The following PATJ variants were observed in gnomAD, a reference collection of about 807,000 sequenced individuals.
PATJ encodes PATJ crumbs cell polarity complex component, also known as inaD-like protein.
A neutral mutation model predicts 224.9 loss-of-function variants in PATJ; 190 were observed. The observed-to-expected ratio is 0.84, with a 90% CI of 0.75 to 0.95. PATJ has a LOEUF of 0.95. Among genes scored for constraint, PATJ ranks in the 40% least tolerant of loss-of-function variants. The pLI, the probability that PATJ is intolerant of heterozygous loss-of-function variation, is 0.00. For missense variants in PATJ, 2,121 were observed against 2,270.3 expected (o/e 0.93, Z 1.34); for synonymous variants, 769 against 820.3 (o/e 0.94, Z 1.07).
intron 7 of PATJ, among the ~76,000 whole-genome samples, chr1:61,783,225 G>A (rs1311838566): frequency 1.3e-5 from 2 of 152,266 alleles, no homozygotes; most frequent in Non-Finnish European, 2.9e-5. Flanking sequence ...GGGAATTTGA[G>A]TAGGATAGGA....
intron 15 of PATJ, among the ~76,000 whole-genome samples, chr1:61,824,821 T>C (rs1335412031): frequency 6.6e-6 from 1 of 152,162 alleles, no homozygotes; most frequent in African/African-American, 2.4e-5. Context: ...TGGATCACAG[T>C]ATAGAAAGTA....
rs139415691 is a variant in PATJ at position 61,985,575 on chromosome 1, G to A, written c.3671-4593G>A. 5.4e-3 allele frequency among the ~76,000 whole-genome samples: 825 copies of A among 152,008 alleles called. 9 individuals are homozygous for A. The highest frequency in any genetic ancestry group is 0.019 in the African/African-American group (788 of 41,364). On this transcript the variant is annotated intron_variant, in intron 27 of 43. Coordinates refer to ENST00000642238, the MANE Select transcript of PATJ (RefSeq NM_001350145.3). ...TTTCTCAAACAGAAACTACAGAAAGGGTTTTGATTCTACACTTGACTAGCA... is the reference window on the plus strand; with the variant it reads ...TTTCTCAAACAGAAACTACAGAAAGAGTTTTGATTCTACACTTGACTAGCA...
chr1:62,145,041 C>G (rs1017823447), intron 41 of PATJ, among the ~76,000 whole-genome samples: 1 of 151,992 alleles, frequency 6.6e-6, no homozygotes, highest in African/African-American at 2.4e-5. Flanking sequence ...TCTTGAACTC[C>G]TGAGCTCAAG....
intron 31 of PATJ, among the ~76,000 whole-genome samples, chr1:62,074,907 T>C (rs1375706416): frequency 6.6e-6 from 1 of 152,162 alleles, no homozygotes; most frequent in East Asian, 1.9e-4. Context: ...GAGGTTGCAG[T>C]GAGCTGAGAT....
At chr1:61,809,787 T>C (rs1187525960) in intron 14 of PATJ, among the ~76,000 whole-genome samples, 1 of 152,168 alleles carries the variant, frequency 6.6e-6, no homozygotes, top group Non-Finnish European at 1.5e-5. Context: ...GTAATCAATA[T>C]TTATCTTCCA....
intron 9 of PATJ, among the ~76,000 whole-genome samples, chr1:61,792,175 A>G (rs1172396926): frequency 6.6e-6 from 1 of 152,212 alleles, no homozygotes; most frequent in Non-Finnish European, 1.5e-5. Flanking sequence ...AAGGATTAAG[A>G]GTGCTAATGT....
chr1:62,066,436 C>T (rs1032132821), intron 31 of PATJ, among the ~76,000 whole-genome samples: 9 of 150,760 alleles, frequency 6.0e-5, no homozygotes, highest in South Asian at 2.1e-4. Flanking sequence ...CAGGTTGGAA[C>T]GCAGTGGTGT....
chr1:62,019,518 CAA>C (rs974330468), intron 29 of PATJ, among the ~76,000 whole-genome samples: 1 of 140,902 alleles, frequency 7.1e-6, no homozygotes. Context: ...GTCTCTGTCT[CAA>C]AAAAAAAAAG....
chr1:61,829,894 A>G lies in PATJ; in HGVS notation c.1980+2311A>G, dbSNP rs61002573. On this transcript the variant is annotated intron_variant, in intron 16 of 43. Transcript: ENST00000642238. ...CCATTGGAACTTTACTTTTTGTTGG[A>G]AGATATAAGTGTTTTCTTTTTAAGT... is the stretch of plus-strand genomic sequence containing the variant. 1.7e-3 allele frequency among the ~76,000 whole-genome samples: 265 copies of G among 152,324 alleles called. 1 individual carries two copies. Among genetic ancestry groups the G allele is most frequent in the African/African-American group, 6.2e-3 (257 of 41,568 alleles).
chr1:61,999,735 A>G lies in PATJ; in HGVS notation c.3867+9371A>G, dbSNP rs111980991. On this transcript the variant is annotated intron_variant, in intron 28 of 43. Coordinates refer to ENST00000642238, the MANE Select transcript of PATJ (RefSeq NM_001350145.3). ...TTCCACTCCTTCCACCCCAAAAGCTAGCAAATACTGGGTATTATAAGATCT... is the reference window on the plus strand; with the variant it reads ...TTCCACTCCTTCCACCCCAAAAGCTGGCAAATACTGGGTATTATAAGATCT... Among the ~76,000 whole-genome samples the G allele has an allele frequency of 1.0e-3, 155 of 152,312 alleles. 2 individuals are homozygous for G. The highest frequency in any genetic ancestry group is 3.5e-3 in the African/African-American group (145 of 41,578).
chr1:62,050,500 G>A (rs552665236), intron 30 of PATJ, among the ~76,000 whole-genome samples: 3 of 152,310 alleles, frequency 2.0e-5, no homozygotes, highest in South Asian at 2.1e-4. Flanking sequence ...GTCATGGGAC[G>A]GTCGTCCATG....
intron 28 of PATJ, among the ~76,000 whole-genome samples, chr1:62,009,184 GGCT>G (rs1156731645): frequency 1.3e-5 from 2 of 152,064 alleles, no homozygotes; most frequent in African/African-American, 4.8e-5. Context: ...TTTTCCTTGG[GGCT>G]GGGTCAGAAA....
intron 28 of PATJ, among the ~76,000 whole-genome samples, chr1:61,992,070 A>G (rs1044811007): frequency 2.0e-5 from 3 of 152,016 alleles, no homozygotes; most frequent in African/African-American, 4.8e-5. Context: ...CCAGACTCCA[A>G]GACCCGTGTT....
At chr1:62,101,229 A>C (rs906005859) in intron 33 of PATJ, among the ~76,000 whole-genome samples, 3 of 151,360 alleles carry the variant, frequency 2.0e-5, no homozygotes, top group Non-Finnish European at 4.4e-5. Flanking sequence ...TTAGGAATGG[A>C]GACGTTAACA....
chr1:61,970,680 G>T (rs1360747429), intron 27 of PATJ, among the ~76,000 whole-genome samples: 1 of 152,086 alleles, frequency 6.6e-6, no homozygotes, highest in East Asian at 1.9e-4. Context: ...TTTTTGTAAA[G>T]ATGACCTCTT....
rs925072105 is a variant in PATJ at position 62,086,228 on chromosome 1, A to G, written c.4377+1580A>G. Among the ~76,000 whole-genome samples, 17 of 150,224 alleles carry G rather than the reference A, an allele frequency of 1.1e-4. No homozygotes were observed. Among genetic ancestry groups the G allele is most frequent in the African/African-American group, 4.0e-4 (16 of 40,198 alleles). ...TACTCAAGATGTGATTAATTAATGCATGTGTGTGTGTGTGTATGTGTGTGT... is the reference window on the plus strand; with the variant it reads ...TACTCAAGATGTGATTAATTAATGCGTGTGTGTGTGTGTGTATGTGTGTGT... On this transcript the variant is annotated intron_variant, in intron 33 of 43. Transcript: ENST00000642238. The surrounding 1 kb of genome is among the most constrained non-coding windows in gnomAD (Gnocchi z 4.0).
intron 33 of PATJ, among the ~76,000 whole-genome samples, chr1:62,089,137 C>A (rs1194665275): frequency 1.3e-5 from 2 of 152,086 alleles, no homozygotes; most frequent in Admixed American, 1.3e-4. Context: ...TTCATCAGCA[C>A]GTCCAGCCTA....
At chr1:61,901,772 A>C (rs1350466221) in intron 24 of PATJ, among the ~76,000 whole-genome samples, 3 of 152,204 alleles carry the variant, frequency 2.0e-5, no homozygotes, top group African/African-American at 7.2e-5. Flanking sequence ...AACAAGCTCT[A>C]AATTTTTTTC....
chr1:61,994,269 C>G (rs1645229129), intron 28 of PATJ, among the ~76,000 whole-genome samples: 1 of 152,154 alleles, frequency 6.6e-6, no homozygotes, highest in African/African-American at 2.4e-5. Flanking sequence ...AATACCTGCC[C>G]TCACAGAGCT....
Sources: gnomAD v4.1 joint callset for allele counts (sites outside exome capture counted in the v4.1 genomes callset) on GRCh38, gnomAD v4.1.1 for gene constraint, Gnocchi (gnomAD v3.1) non-coding constraint, MANE v1.5 for transcripts, NCBI Gene and HGNC (gene_info 2026-07-23, HGNC 2026-07-21) for gene names.